Variants in UNC13C observed in about 807,000 individuals in gnomAD.
UNC13C encodes the protein unc-13 homolog C.
In UNC13C, 174 loss-of-function variants were observed where a neutral mutation model predicts 245.4. That is an observed-to-expected ratio of 0.71 (90% CI 0.63 to 0.80). The LOEUF is 0.80. Among genes scored for constraint, UNC13C ranks in the 30% least tolerant of loss-of-function variants. The pLI, the probability that UNC13C is intolerant of heterozygous loss-of-function variation, is 0.00. For missense variants in UNC13C, 2,829 were observed against 2,602.9 expected (o/e 1.09, Z -1.89); for synonymous variants, 992 against 895.1 (o/e 1.11, Z -1.93).
intron 4 of UNC13C, among the ~76,000 whole-genome samples, chr15:54,166,136 TA>T (rs1263405777): frequency 2.0e-5 from 3 of 152,074 alleles, no homozygotes; most frequent in Non-Finnish European, 2.9e-5. Flanking sequence ...ATTATAGCAT[TA>T]TTGATCTTGA....
rs528642096 is a variant in UNC13C, at chr15:53,998,626, T to C, written c.-256-14022T>C. Among the ~76,000 whole-genome samples the C allele has an allele frequency of 1.8e-3, 280 of 152,274 alleles. 1 individual carries two copies. Among genetic ancestry groups the C allele is most frequent in the African/African-American group, 6.7e-3 (278 of 41,580 alleles). ...ATTTCATTGTTTTGCCTTATTGACCTATCTAAATCCTCCAATTCAATGTTA... is the reference window on the plus strand; with the variant it reads ...ATTTCATTGTTTTGCCTTATTGACCCATCTAAATCCTCCAATTCAATGTTA... On this transcript the variant is annotated intron_variant, in intron 1 of 32. Coordinates refer to ENST00000260323, the MANE Select transcript of UNC13C (RefSeq NM_001080534.3).
chr15:54,481,423 A>G (rs190495942), intron 19 of UNC13C, among the ~76,000 whole-genome samples: 1 of 152,202 alleles, frequency 6.6e-6, no homozygotes. Context: ...ATGCTCCTGG[A>G]TGACATGCAC....
At chr15:54,425,622 G>A (rs2040744119) in intron 19 of UNC13C, among the ~76,000 whole-genome samples, 1 of 151,792 alleles carries the variant, frequency 6.6e-6, no homozygotes, top group Non-Finnish European at 1.5e-5. Context: ...GTCTAGATCA[G>A]TGGCCTTCAC....
chr15:54,443,373 C>T (rs994635603), intron 19 of UNC13C, among the ~76,000 whole-genome samples: 5 of 151,612 alleles, frequency 3.3e-5, no homozygotes, highest in East Asian at 1.9e-4. Context: ...TTTCATTGAT[C>T]CTTTGTATTT....
the UNC13C span, among the ~76,000 whole-genome samples, chr15:53,915,916 T>C: frequency 6.6e-6 from 1 of 152,356 alleles, no homozygotes; most frequent in South Asian, 2.1e-4. Context: ...TGTGGGATGA[T>C]ATTCATTGCT....
At chr15:54,503,501 G>A (rs572342554) in intron 22 of UNC13C, among the ~76,000 whole-genome samples, 2 of 148,010 alleles carry the variant, frequency 1.4e-5, no homozygotes, top group South Asian at 2.1e-4. Context: ...CACAATCTCC[G>A]CTCACTGCAA....
the UNC13C span, chr15:53,914,170 T>C: frequency 1.4e-5 from 2 of 146,574 alleles, no homozygotes. Context: ...AAAACCTGTG[T>C]GTCCAGGGCC....
intron 2 of UNC13C, among the ~76,000 whole-genome samples, chr15:54,028,336 T>C (rs17552199): frequency 0.049 from 7,421 of 152,266 alleles, 241 homozygotes; most frequent in Non-Finnish European, 0.069. Context: ...TCAATCTCCA[T>C]TGAACATCGG....
intron 19 of UNC13C, among the ~76,000 whole-genome samples, chr15:54,436,435 A>G (rs929318483): frequency 2.0e-5 from 3 of 152,012 alleles, no homozygotes; most frequent in African/African-American, 2.4e-5. Context: ...GACAGACTGG[A>G]TAAAGAAAAT....
At chr15:53,987,736 G>A (rs1270555159) in intron 1 of UNC13C, among the ~76,000 whole-genome samples, 1 of 152,036 alleles carries the variant, frequency 6.6e-6, no homozygotes, top group Non-Finnish European at 1.5e-5. Flanking sequence ...AAAATTCAGT[G>A]TAGCAATCCC....
At chr15:54,206,600 C>T (rs2034719765) in intron 4 of UNC13C, among the ~76,000 whole-genome samples, 1 of 152,094 alleles carries the variant, frequency 6.6e-6, no homozygotes, top group Non-Finnish European at 1.5e-5. Context: ...ATCATCCTCA[C>T]AGCTGGGCAG....
In UNC13C at chr15:54,197,462, C is replaced by CA. The variant is rs111328266; in HGVS notation, c.3072-37555dup. Among the ~76,000 whole-genome samples the CA allele has an allele frequency of 1.7e-3, 229 of 134,644 alleles. 1 individual carries two copies. The highest frequency in any genetic ancestry group is 0.011 in the Middle Eastern group (3 of 270). The allele number at this position is 134,644 out of a possible 152,430, so 88.3% of individuals were successfully genotyped here. A position where few individuals can be genotyped will look rare whatever the true frequency, so the allele number is the denominator to read the frequency against. On this transcript the variant is annotated intron_variant, in intron 4 of 32. Coordinates refer to ENST00000260323, the MANE Select transcript of UNC13C (RefSeq NM_001080534.3). ...TGGGTGACAGAGTGAGACTCCATCTCAAAAAAAAAAAAAGAAAAATTAATA... is the reference window on the plus strand; with the variant it reads ...TGGGTGACAGAGTGAGACTCCATCTCAAAAAAAAAAAAAAGAAAAATTAATA...
At chr15:54,504,417 T>A (rs1894374821) in intron 22 of UNC13C, among the ~76,000 whole-genome samples, 3 of 152,182 alleles carry the variant, frequency 2.0e-5, no homozygotes, top group African/African-American at 2.4e-5. Context: ...GGTACTATTA[T>A]TTTCCCTAAT....
At chr15:54,259,472 G>A (rs2036366818) in intron 8 of UNC13C, among the ~76,000 whole-genome samples, 1 of 152,124 alleles carries the variant, frequency 6.6e-6, no homozygotes, top group East Asian at 1.9e-4. Flanking sequence ...CAAATGAAAG[G>A]GGTTTCCCCT....
In UNC13C at chr15:54,034,986, C is replaced by T. The variant is rs182508035; in HGVS notation, c.2983+19100C>T. Among the ~76,000 whole-genome samples, 89 of 152,264 alleles carry T rather than the reference C, an allele frequency of 5.8e-4. No homozygotes were observed. In the East Asian group the frequency reaches 0.017, roughly 29 times the overall value. ...CTTCCCAATGACCACTTCAAAATGC[C>T]TCCCAGAAGATATAAACTAGTACAT... On this transcript the variant is annotated intron_variant, in intron 2 of 32. Transcript: ENST00000260323.
chr15:54,473,664 T>G (rs1892578688), intron 19 of UNC13C, among the ~76,000 whole-genome samples: 1 of 151,976 alleles, frequency 6.6e-6, no homozygotes, highest in African/African-American at 2.4e-5. Flanking sequence ...GTGCAAGATT[T>G]CCTTCCTTTT....
At position 54,459,503 on chromosome 15, in the gene UNC13C, G is replaced by T. The variant is rs180882168; in HGVS notation, c.4934-35105G>T. Among the ~76,000 whole-genome samples, 43 of 152,174 alleles carry T rather than the reference G, an allele frequency of 2.8e-4. No individual in the cohort carries two copies. The East Asian group carries it at 7.3e-3, about 26-fold the overall frequency. On this transcript the variant is annotated intron_variant, in intron 19 of 32. Coordinates refer to ENST00000260323, the MANE Select transcript of UNC13C (RefSeq NM_001080534.3). ...CTCAAATAAGTTTTCCAAACTTTTT[G>T]ATTTTTCTTCCTCCGCAGGAACACC...
At chr15:54,271,458 G>A (rs540800618) in intron 10 of UNC13C, among the ~76,000 whole-genome samples, 1 of 152,268 alleles carries the variant, frequency 6.6e-6, no homozygotes, top group Admixed American at 6.5e-5. Context: ...TCCCTCAGGA[G>A]GAAAACAAGT....
chr15:53,905,553 T>C, the UNC13C span, among the ~76,000 whole-genome samples: 3 of 152,100 alleles, frequency 2.0e-5, no homozygotes, highest in South Asian at 4.2e-4. Context: ...CTCATTCATA[T>C]GTAGAATCTA....
Sources: gnomAD v4.1 joint callset for allele counts (sites outside exome capture counted in the v4.1 genomes callset) on GRCh38, gnomAD v4.1.1 for gene constraint, MANE v1.5 for transcripts, NCBI Gene and HGNC (gene_info 2026-07-23, HGNC 2026-07-21) for gene names.